Variants in NOC3L observed in about 807,000 individuals in gnomAD.
NOC3L encodes nucleolar complex protein 3 homolog.
NOC3L carries 85 observed loss-of-function variants against 102.5 expected under a neutral mutation model. That is an observed-to-expected ratio of 0.83 (90% CI 0.70 to 0.99). NOC3L has a LOEUF of 0.99. Among genes scored for constraint, NOC3L ranks in the 50% least tolerant of loss-of-function variants. The probability of loss-of-function intolerance (pLI) is 0.00; values close to 1 mark genes in which losing one functional copy is unlikely to be tolerated. For missense variants in NOC3L, 878 were observed against 914.9 expected (o/e 0.96, Z 0.52); for synonymous variants, 303 against 309.4 (o/e 0.98, Z 0.22).
At chr10:94,352,562 C>T (rs1044592831) in intron 7 of NOC3L, among the ~76,000 whole-genome samples, 159 bp from the exon 8 acceptor site, 1 of 152,174 alleles carries the variant, frequency 6.6e-6, no homozygotes, top group East Asian at 1.9e-4. Flanking sequence ...TGGCTCATGC[C>T]TGTAATCTCA....
At chr10:94,324,662 A>G in the NOC3L span, 1 of 1,123,480 alleles carries the variant, frequency 8.9e-7, no homozygotes, top group Non-Finnish European at 1.3e-6. Flanking sequence ...TTTAGGAGAA[A>G]GTTCCTGAGT....
At chr10:94,355,811 ATATAT>A (rs2054477375) in intron 5 of NOC3L, among the ~76,000 whole-genome samples, 2 of 152,254 alleles carry the variant, frequency 1.3e-5, no homozygotes, top group South Asian at 4.1e-4. Context: ...TTTTAACACT[ATATAT>A]TACTTTATAC....
chr10:94,326,828 T>C, the NOC3L span, among the ~76,000 whole-genome samples: 17 of 152,288 alleles, frequency 1.1e-4, no homozygotes, highest in African/African-American at 3.1e-4. Context: ...CAAGCAGATA[T>C]TTAGAATCAT....
chr10:94,319,435 A>G, the NOC3L span, among the ~76,000 whole-genome samples: 40 of 152,338 alleles, frequency 2.6e-4, no homozygotes, highest in Non-Finnish European at 4.3e-4. Context: ...AAGACATATA[A>G]GCAGTTTGCC....
chr10:94,324,777 CCTACTCTCTCCAAA>C, the NOC3L span: 1 of 1,122,588 alleles, frequency 8.9e-7, no homozygotes, highest in Non-Finnish European at 1.3e-6. Context: ...GCTCCTCAGC[CCTACTCTCTCCAAA>C]GCTCTAGAGA....
At chr10:94,359,450 CA>C (rs1331380365) in intron 2 of NOC3L, among the ~76,000 whole-genome samples, 22 of 126,668 alleles carry the variant, frequency 1.7e-4, no homozygotes, top group Admixed American at 5.6e-4. Context: ...AACTCCGTCT[CA>C]AAAAAAAAAA....
chr10:94,335,624 A>G (rs2054209468), intron 19 of NOC3L, among the ~76,000 whole-genome samples: 1 of 152,234 alleles, frequency 6.6e-6, no homozygotes. Flanking sequence ...CTGACTGACT[A>G]CTGTCATGTA....
chr10:94,334,711 TAGC>T lies in NOC3L; in HGVS notation c.2194_2196del (p.Ala732del). 3.1e-6 allele frequency: 5 copies of T among 1,610,134 alleles called. No individual in the cohort carries two copies. The highest frequency in any genetic ancestry group is 4.2e-6 in the Non-Finnish European group (5 of 1,177,808). ...ATGCTATATGCCTCAAAAAGTTCAG[TAGC>T]AGATCTAAATCACAAACACAAAAAA... is the stretch of plus-strand genomic sequence containing the variant. On this transcript the variant is annotated inframe_deletion, in exon 20 of 21. Transcript: ENST00000371361.
At position 94,338,609 on chromosome 10, in the gene NOC3L, C is replaced by T. The variant is rs748768796; in HGVS notation, c.2090G>A (p.Arg697Gln). 8.4e-6 allele frequency: 13 copies of T among 1,542,686 alleles called. No homozygotes were observed. The highest frequency in any genetic ancestry group is 3.9e-5 in the South Asian group (3 of 77,342). The change falls in exon 18 of 21, where the codon CGG (arginine) becomes CAG (glutamine). Residue 697 changes from arginine to glutamine, a missense_variant and splice_region_variant. Transcript: ENST00000371361. The part of the protein sequence containing the change: ...NTALWELHAL[R>Q]RHYHPIVQRF... ...GAAAAAAACCAGGGCCACTCTTACC[C>T]GCAGAGCATGCAGTTCCCACAGAGC...
At chr10:94,355,962 A>G (rs1317617002) in intron 5 of NOC3L, among the ~76,000 whole-genome samples, 2 of 152,176 alleles carry the variant, frequency 1.3e-5, no homozygotes, top group African/African-American at 2.4e-5. Context: ...TAAACAGTTG[A>G]CCTGTAATTC....
chr10:94,316,904 T>C, the NOC3L span: 2 of 706,408 alleles, frequency 2.8e-6, no homozygotes, highest in Non-Finnish European at 2.6e-6. Context: ...ACAGTTTTAT[T>C]CTTCTGCACA....
Position 94,341,757 on chromosome 10 carries a change from CAA to C in NOC3L, c.1572-14_1572-13del, listed in dbSNP as rs753577165. 6 of 1,499,374 alleles carry C rather than the reference CAA, an allele frequency of 4.0e-6. No homozygotes were observed. In the Admixed American group the frequency reaches 1.0e-4, roughly 25 times the overall value. The allele number at this position is 1,499,374 out of a possible 1,614,324, so 92.9% of individuals were successfully genotyped here. A position where few individuals can be genotyped will look rare whatever the true frequency, so the allele number is the denominator to read the frequency against. ...TAAGGTGAGCAAACCTGGAATCAAA[CAA>C]AACAGTTAATCAGTGAACTAAAAGC... On this transcript the variant is annotated splice_polypyrimidine_tract_variant and intron_variant, in intron 13 of 20. Coordinates refer to ENST00000371361, the MANE Select transcript of NOC3L (RefSeq NM_022451.11).
Position 94,344,888 on chromosome 10 carries a change from C to T in NOC3L, c.1435G>A (p.Glu479Lys), listed in dbSNP as rs12253220. The change falls in exon 12 of 21, where the codon GAA becomes AAA. Residue 479 changes from glutamate to lysine, a missense_variant. By Grantham distance (56) the Glu-to-Lys change is moderately conservative. Coordinates refer to ENST00000371361, the MANE Select transcript of NOC3L (RefSeq NM_022451.11). The stretch of plus-strand genomic sequence containing the variant: ...TTTTTCTCAGTACTCTCTGAAGCTT[C>T]TGCCTCTCGAAGCTCTCGCTCTAGT... ...EKLERELREA[E>K]ASESTEKKLK... is the part of the protein sequence containing the mutation. The T allele has an allele frequency of 6.2e-7, 1 of 1,610,392 alleles. No individual in the cohort carries two copies. Among genetic ancestry groups the T allele is most frequent in the Non-Finnish European group, 8.5e-7 (1 of 1,179,276 alleles).
Position 94,362,917 on chromosome 10 carries a change from C to A in NOC3L, c.-79G>T, listed in dbSNP as rs2054568492. The A allele has an allele frequency of 1.2e-6, 2 of 1,609,870 alleles. No individual in the cohort carries two copies. Among genetic ancestry groups the A allele is most frequent in the Non-Finnish European group, 8.5e-7 (1 of 1,176,552 alleles). On this transcript the variant is annotated 5_prime_UTR_variant, in exon 1 of 21. Coordinates refer to ENST00000371361, the MANE Select transcript of NOC3L (RefSeq NM_022451.11). ...TACAGAAATCCCGGGGAATGACACA[C>A]GTGCCGAAGTCCCTACACTACCAGA...
At chr10:94,331,129 A>G (rs1259951526), downstream of NOC3L, 2 of 152,246 alleles carry the variant, frequency 1.3e-5, no homozygotes, top group Admixed American at 6.5e-5. Flanking sequence ...AGTTATTTAC[A>G]AATTCTCCAG....
chr10:94,324,072 G>C, the NOC3L span, among the ~76,000 whole-genome samples: 2 of 152,244 alleles, frequency 1.3e-5, no homozygotes, highest in Non-Finnish European at 1.5e-5. Flanking sequence ...ATATATCCTG[G>C]AATCTACTTA....
downstream of NOC3L, chr10:94,332,668 T>C (rs2054174264): frequency 6.6e-6 from 1 of 152,150 alleles, no homozygotes; most frequent in Non-Finnish European, 1.5e-5. Context: ...ATTCTCCATA[T>C]GTATAACAAG....
At chr10:94,341,069 G>A (rs2054279117) in intron 14 of NOC3L, among the ~76,000 whole-genome samples, 1 of 151,680 alleles carries the variant, frequency 6.6e-6, no homozygotes, top group African/African-American at 2.4e-5. Context: ...CTACTCAAAA[G>A]GCTAAAGTGG....
the NOC3L span, among the ~76,000 whole-genome samples, chr10:94,327,359 C>A: frequency 2.0e-5 from 3 of 151,940 alleles, no homozygotes; most frequent in African/African-American, 7.3e-5. Context: ...CTGTGGGAGG[C>A]CGAGGTGTGT....
Sources: gnomAD v4.1 joint callset for allele counts (sites outside exome capture counted in the v4.1 genomes callset) on GRCh38, gnomAD v4.1.1 for gene constraint, MANE v1.5 for transcripts, NCBI Gene and HGNC (gene_info 2026-07-23, HGNC 2026-07-21) for gene names.